Variants in PCDHGA7 observed in about 807,000 individuals in gnomAD.
PCDHGA7 encodes protocadherin gamma subfamily A, 7.
A neutral mutation model predicts 58.3 loss-of-function variants in PCDHGA7; 44 were observed. The ratio of observed to expected loss-of-function variants is 0.75; its 90% confidence interval spans 0.59 to 0.97. The LOEUF is 0.97. Among genes scored for constraint, PCDHGA7 ranks in the 50% least tolerant of loss-of-function variants. The pLI is 0.00. For missense variants in PCDHGA7, 1,266 were observed against 1,188.7 expected, an observed-to-expected ratio of 1.06 and a Z score of -0.96; for synonymous variants, 516 against 504.2, an observed-to-expected ratio of 1.02 and a Z score of -0.31.
chr5:141,405,433 T>A, intron 1 of PCDHGA7: 1 of 1,471,752 alleles, frequency 6.8e-7, no homozygotes, highest in Non-Finnish European at 9.3e-7. Flanking sequence ...TTTTGTTTTG[T>A]TTTTGAGACA....
At chr5:141,504,017 T>G (rs1186684262) in intron 2 of PCDHGA7, among the ~76,000 whole-genome samples, 1 of 152,150 alleles carries the variant, frequency 6.6e-6, no homozygotes, top group Non-Finnish European at 1.5e-5. Context: ...TCTCTGCTGG[T>G]CTCTTCCCAC....
intron 1 of PCDHGA7, chr5:141,414,168 T>C: frequency 6.2e-7 from 1 of 1,605,598 alleles, no homozygotes; most frequent in Non-Finnish European, 8.5e-7. Context: ...GAGGAGCATA[T>C]CTTGCAACTG....
At chr5:141,410,739 A>G in intron 1 of PCDHGA7, 1 of 1,303,782 alleles carries the variant, frequency 7.7e-7, no homozygotes. Flanking sequence ...GCTTTTTACA[A>G]TATTTTCTCA....
Position 141,432,097 on chromosome 5 carries a change from C to T in PCDHGA7, c.2424+46774C>T, listed in dbSNP as rs1428283489. The stretch of plus-strand genomic sequence containing the variant: ...TCTCGCTGAACGTGGCAGACACCAA[C>T]GACAACCCGCCGGTCTTCCCTCAGG... On this transcript the variant is annotated intron_variant, in intron 1 of 3. Transcript: ENST00000518325. This position sits in a 1 kb window ranked among gnomAD's most constrained non-coding sequence, Gnocchi z 6.0. 6 of 1,614,066 alleles carry T rather than the reference C, an allele frequency of 3.7e-6. No individual in the cohort carries two copies. The highest frequency in any genetic ancestry group is 2.7e-5 in the African/African-American group (2 of 74,920).
Position 141,485,098 on chromosome 5 carries a change from A to G in PCDHGA7, c.2425-9709A>G, listed in dbSNP as rs2099606903. ...CGGGGAAAGGGAGATAGGTGTCTCCAGCTGCTGTGGCTGTTTGGGGCGGGT... is the reference window on the plus strand; with the variant it reads ...CGGGGAAAGGGAGATAGGTGTCTCCGGCTGCTGTGGCTGTTTGGGGCGGGT... On this transcript the variant is annotated intron_variant, in intron 1 of 3. Transcript: ENST00000518325. This position sits in a 1 kb window ranked among gnomAD's most constrained non-coding sequence, Gnocchi z 5.7. 8.8e-7 allele frequency: 1 copy of G among 1,134,792 alleles called. No individual in the cohort carries two copies. Among genetic ancestry groups the G allele is most frequent in the South Asian group, 1.4e-5 (1 of 71,796 alleles). The allele number at this position is 1,134,792 out of a possible 1,614,324, so 70.3% of individuals were successfully genotyped here. A position where few individuals can be genotyped will look rare whatever the true frequency, so the allele number is the denominator to read the frequency against.
At position 141,491,289 on chromosome 5, in the gene PCDHGA7, C is replaced by T. The variant is rs2099710219; in HGVS notation, c.2425-3518C>T. ...CCAAATCCAGTGACTTCCTCATACA[C>T]CCTCCTGAGCGTTCAGACCTTACCC... On this transcript the variant is annotated intron_variant, in intron 1 of 3. Transcript: ENST00000518325. The surrounding 1 kb of genome is among the most constrained non-coding windows in gnomAD (Gnocchi z 6.9). 2 of 1,614,112 alleles carry T rather than the reference C, an allele frequency of 1.2e-6. No homozygotes were observed. The highest frequency in any genetic ancestry group is 1.7e-6 in the Non-Finnish European group (2 of 1,179,942).
chr5:141,415,332 G>A (rs758125316), intron 1 of PCDHGA7: 1 of 1,614,214 alleles, frequency 6.2e-7, no homozygotes, highest in South Asian at 1.1e-5. Context: ...TGGCGCACAG[G>A]CTGCGGCGCT....
chr5:141,393,043 T>C (rs770560068), intron 1 of PCDHGA7: 1 of 1,613,732 alleles, frequency 6.2e-7, no homozygotes, highest in South Asian at 1.1e-5. Context: ...CTCTTTGCTC[T>C]GAACCCGCGC....
chr5:141,484,552 G>T (rs2099597743), intron 1 of PCDHGA7, among the ~76,000 whole-genome samples: 1 of 152,138 alleles, frequency 6.6e-6, no homozygotes, highest in African/African-American at 2.4e-5. Context: ...CTAATTAGCA[G>T]TTGCTCCAAT....
intron 2 of PCDHGA7, among the ~76,000 whole-genome samples, chr5:141,505,069 G>A (rs2099843308): frequency 2.0e-5 from 3 of 152,340 alleles, no homozygotes; most frequent in East Asian, 1.9e-4. Flanking sequence ...GACTGAGGCA[G>A]GAGAATCGCT....
rs2096370584 is a variant in PCDHGA7 at position 141,419,372 on chromosome 5, G to A, written c.2424+34049G>A. On this transcript the variant is annotated intron_variant, in intron 1 of 3. Coordinates refer to ENST00000518325, the MANE Select transcript of PCDHGA7 (RefSeq NM_018920.4). The stretch of plus-strand genomic sequence containing the variant: ...GGAGTCACGAACGCTGTCGTCCTAC[G>A]TGTCCGTGAGCGCGCAGAGCGGGGT... 2 of 1,613,728 alleles carry A rather than the reference G, an allele frequency of 1.2e-6. No homozygotes were observed. Among genetic ancestry groups the A allele is most frequent in the South Asian group, 1.1e-5 (1 of 91,088 alleles).
intron 1 of PCDHGA7, chr5:141,428,075 A>G (rs1427780901): frequency 5.0e-6 from 8 of 1,609,154 alleles, no homozygotes; most frequent in Non-Finnish European, 4.2e-6. Context: ...CAGATTCGGG[A>G]CACAACGCTT....
In PCDHGA7 at chr5:141,485,115, G is replaced by T. The variant is rs1043877839; in HGVS notation, c.2425-9692G>T. On this transcript the variant is annotated intron_variant, in intron 1 of 3. Transcript: ENST00000518325. This position sits in a 1 kb window ranked among gnomAD's most constrained non-coding sequence, Gnocchi z 5.7. ...GTGTCTCCAGCTGCTGTGGCTGTTT[G>T]GGGCGGGTCGGCTTCATCCGCGTCT... The T allele has an allele frequency of 3.8e-6, 5 of 1,300,464 alleles. No homozygotes were observed. The African/African-American group carries it at 5.8e-5, about 15-fold the overall frequency. The allele number at this position is 1,300,464 out of a possible 1,614,324, so 80.6% of individuals were successfully genotyped here.
Position 141,485,064 on chromosome 5 carries a change from G to C in PCDHGA7, c.2425-9743G>C, listed in dbSNP as rs1205637757. On this transcript the variant is annotated intron_variant, in intron 1 of 3. Transcript: ENST00000518325. The surrounding 1 kb of genome is among the most constrained non-coding windows in gnomAD (Gnocchi z 5.7). ...TTGCGGCGCCGGCCGAACCGCGCCA[G>C]AGCTGGCGCGGGGAAAGGGAGATAG... The C allele has an allele frequency of 4.9e-5, 43 of 882,320 alleles. No individual in the cohort carries two copies. The highest frequency in any genetic ancestry group is 7.4e-5 in the Non-Finnish European group (41 of 557,230). 54.7% of individuals were successfully genotyped at this position (882,320 alleles called of 1,614,324 possible).
chr5:141,497,110 C>T (rs964183820), intron 2 of PCDHGA7, among the ~76,000 whole-genome samples: 2 of 151,738 alleles, frequency 1.3e-5, no homozygotes, highest in African/African-American at 2.4e-5. Context: ...TGCTTGAACC[C>T]GGAAGGCAGA....
chr5:141,382,928 A>G lies in PCDHGA7; in HGVS notation c.29A>G (p.Tyr10Cys), dbSNP rs746763440. The change falls in exon 1 of 4, where the codon TAC (tyrosine) becomes TGC (cysteine). Residue 10 changes from tyrosine (Y) to cysteine (C), a missense_variant. Transcript: ENST00000518325. MAAQPRGGDYRGFFLLSILL... is the reference protein window; with the variant it reads MAAQPRGGDCRGFFLLSILL... ...GCGGCTCAGCCGAGGGGCGGGGACT[A>G]CAGAGGATTCTTCCTGCTCTCCATC... 5.7e-6 allele frequency: 9 copies of G among 1,582,188 alleles called. No homozygotes were observed. Among genetic ancestry groups the G allele is most frequent in the South Asian group, 3.4e-5 (3 of 87,648 alleles).
chr5:141,408,287 C>G (rs2095075582), intron 1 of PCDHGA7: 1 of 1,613,354 alleles, frequency 6.2e-7, no homozygotes, highest in African/African-American at 1.3e-5. Flanking sequence ...CTACCCCACC[C>G]TGAGTGAGCC....
intron 1 of PCDHGA7, 162 bp downstream of exon 1, chr5:141,385,485 A>T: frequency 2.8e-6 from 4 of 1,418,146 alleles, no homozygotes; most frequent in Non-Finnish European, 3.7e-6. Flanking sequence ...AATATAGAAC[A>T]CATAGGATAT....
intron 1 of PCDHGA7, chr5:141,415,069 A>G (rs1323441877): frequency 1.1e-5 from 18 of 1,613,420 alleles, no homozygotes; most frequent in Non-Finnish European, 1.5e-5. Flanking sequence ...CGAGGTGCGC[A>G]CGGCGCGAGC....
Sources: gnomAD v4.1 joint callset for allele counts (sites outside exome capture counted in the v4.1 genomes callset) on GRCh38, gnomAD v4.1.1 for gene constraint, Gnocchi (gnomAD v3.1) non-coding constraint, MANE v1.5 for transcripts, NCBI Gene and HGNC (gene_info 2026-07-23, HGNC 2026-07-21) for gene names.